The following ZNF138 variants were observed in gnomAD, a reference collection of about 807,000 sequenced individuals.
ZNF138 encodes zinc finger protein 138, also known as zinc finger protein 138 (clone pHZ-32).
ZNF138 carries 33 observed loss-of-function variants against 33.0 expected under a neutral mutation model. The observed-to-expected ratio is 1.00, with a 90% CI of 0.76 to 1.34. ZNF138 has a LOEUF of 1.34. Among genes scored for constraint, ZNF138 ranks in the 40% most tolerant of loss-of-function variants. ZNF138 has a pLI of 0.00. For synonymous variants in ZNF138, 139 were observed against 120.4 expected (o/e 1.15, Z -1.01); for missense variants, 360 against 370.8 (o/e 0.97, Z 0.24).
At chr7:64,814,190 T>C in intron 1 of ZNF138, 12 of 1,035,250 alleles carry the variant, frequency 1.2e-5, no homozygotes, top group Non-Finnish European at 1.4e-5. Context: ...TTATTCCATA[T>C]CTTCAGAAAA....
intron 1 of ZNF138, among the ~76,000 whole-genome samples, chr7:64,801,820 A>G (rs1787159850): frequency 6.6e-6 from 1 of 152,298 alleles, no homozygotes; most frequent in Admixed American, 6.5e-5. Context: ...TGCCTTATTC[A>G]TGTGCACCTG....
At chr7:64,795,740 T>G (rs1025788662) in intron 1 of ZNF138, among the ~76,000 whole-genome samples, 1 of 152,000 alleles carries the variant, frequency 6.6e-6, no homozygotes, top group Non-Finnish European at 1.5e-5. Context: ...TATTTTTGGG[T>G]CAAGGTTTCC....
intron 1 of ZNF138, among the ~76,000 whole-genome samples, chr7:64,812,749 C>G (rs1788277921): frequency 6.6e-6 from 1 of 151,674 alleles, no homozygotes; most frequent in South Asian, 2.1e-4. Flanking sequence ...GTGGTGCTGA[C>G]ACCTTTAAAG....
the ZNF138 span, among the ~76,000 whole-genome samples, chr7:64,855,020 A>G: frequency 6.6e-6 from 1 of 152,098 alleles, no homozygotes; most frequent in African/African-American, 2.4e-5. Flanking sequence ...AAATGTCATT[A>G]GCTGACAAAA....
rs568529280 is a variant in ZNF138, at chr7:64,811,059, A to G, written c.4-3859A>G. On this transcript the variant is annotated intron_variant, in intron 1 of 3. Coordinates refer to ENST00000307355, the MANE Select transcript of ZNF138 (RefSeq NM_001271639.2). ...ATATAAACACAATAAAAATTTCTCT[A>G]AGCTGCATTAAAGTTTTTCTTTCTG... 3.6e-4 allele frequency among the ~76,000 whole-genome samples: 55 copies of G among 152,312 alleles called. 2 individuals carry two copies. In the South Asian group the frequency reaches 8.1e-3, roughly 22 times the overall value.
chr7:64,835,295 CT>C (rs1224705548), downstream of ZNF138: 1 of 152,182 alleles, frequency 6.6e-6, no homozygotes, highest in African/African-American at 2.4e-5. Flanking sequence ...CTACTTCCTG[CT>C]GTTAAGGGGT....
chr7:64,818,133 A>C (rs1397701001), intron 3 of ZNF138, among the ~76,000 whole-genome samples: 1 of 151,248 alleles, frequency 6.6e-6, no homozygotes, highest in Non-Finnish European at 1.5e-5. Context: ...ACAGGCATGC[A>C]CCACCACACC....
At chr7:64,826,638 T>C (rs569906466) in intron 3 of ZNF138, among the ~76,000 whole-genome samples, 1 of 151,938 alleles carries the variant, frequency 6.6e-6, no homozygotes, top group East Asian at 1.9e-4. Context: ...AACCTTTTTT[T>C]AAAATTTTTT....
chr7:64,819,366 T>C (rs2129005561), intron 3 of ZNF138, among the ~76,000 whole-genome samples: 1 of 152,078 alleles, frequency 6.6e-6, no homozygotes, highest in African/African-American at 2.4e-5. Flanking sequence ...GTAATTTTTT[T>C]TTTTTTTTTT....
chr7:64,814,807 A>T, intron 1 of ZNF138, 111 bp from the exon 2 acceptor site: 1 of 1,400,874 alleles, frequency 7.1e-7, no homozygotes, highest in Non-Finnish European at 9.8e-7. Flanking sequence ...CACTCCTGTA[A>T]GACATAATCA....
intron 1 of ZNF138, 81 bp downstream of exon 1, chr7:64,794,652 G>A (rs1050167580): frequency 1.9e-6 from 3 of 1,597,304 alleles, no homozygotes; most frequent in Admixed American, 3.4e-5. Context: ...GGCAGTACTC[G>A]GGTCTTCCCG....
At chr7:64,854,878 A>G in the ZNF138 span, among the ~76,000 whole-genome samples, 1 of 152,222 alleles carries the variant, frequency 6.6e-6, no homozygotes, top group South Asian at 2.1e-4. Context: ...AATGCATACT[A>G]TATACATACA....
At chr7:64,844,801 C>G in the ZNF138 span, among the ~76,000 whole-genome samples, 9 of 152,142 alleles carry the variant, frequency 5.9e-5, no homozygotes, top group African/African-American at 2.2e-4. Context: ...ATTCTCCTGC[C>G]TCAGCTTCCT....
At chr7:64,847,333 T>TATATATATATATATATA in the ZNF138 span, among the ~76,000 whole-genome samples, 190 of 90,880 alleles carry the variant, frequency 2.1e-3, no homozygotes, top group African/African-American at 8.2e-3. Flanking sequence ...TATATATATA[T>TATATATATATATATATA]TTTTTTTTTT....
intron 1 of ZNF138, among the ~76,000 whole-genome samples, chr7:64,798,550 G>GGGA: frequency 6.6e-6 from 1 of 152,142 alleles, no homozygotes; most frequent in African/African-American, 2.4e-5. Flanking sequence ...CCAGCTCTTT[G>GGGA]GGAGGCCAAG....
At chr7:64,852,584 C>T in the ZNF138 span, 4 of 1,541,296 alleles carry the variant, frequency 2.6e-6, no homozygotes, top group African/African-American at 4.1e-5. Flanking sequence ...TGTTTGCTCA[C>T]ATGGTAAACA....
chr7:64,831,541 A>T lies in ZNF138; in HGVS notation c.299A>T (p.Tyr100Phe). 10 of 1,613,506 alleles carry T rather than the reference A, an allele frequency of 6.2e-6. No homozygotes were observed. The highest frequency in any genetic ancestry group is 8.5e-6 in the Non-Finnish European group (10 of 1,179,776). Residue 100 changes from tyrosine to phenylalanine, a missense_variant, in exon 4 of 4, where the codon TAT becomes TTT. By Grantham distance (22) the Tyr-to-Phe change is conservative. Coordinates refer to ENST00000307355, the MANE Select transcript of ZNF138 (RefSeq NM_001271639.2). Reference protein sequence around the residue: ...QKVTLSRYGKYGHKNLQLRKG... With the variant: ...QKVTLSRYGKFGHKNLQLRKG... The stretch of plus-strand genomic sequence containing the variant: ...GTGACACTGAGCAGATATGGAAAAT[A>T]TGGACATAAGAATTTACAGTTAAGA...
the ZNF138 span, among the ~76,000 whole-genome samples, chr7:64,860,667 A>C: frequency 6.6e-6 from 1 of 152,246 alleles, no homozygotes; most frequent in Non-Finnish European, 1.5e-5. Flanking sequence ...TTAAATGGAA[A>C]GGTTTTGGGC....
intron 3 of ZNF138, among the ~76,000 whole-genome samples, chr7:64,826,517 G>C (rs192733954): frequency 2.4e-3 from 367 of 152,270 alleles, no homozygotes; most frequent in African/African-American, 8.3e-3. Flanking sequence ...CTGACCTCAG[G>C]TGATCTGCCC....
Sources: allele counts gnomAD v4.1 joint callset (sites outside exome capture counted in the v4.1 genomes callset), GRCh38; gene constraint gnomAD v4.1.1; transcripts MANE v1.5; gene names NCBI Gene and HGNC (gene_info 2026-07-23, HGNC 2026-07-21).